Variants in MICA observed in about 807,000 individuals in gnomAD.
MICA encodes HLA class I antigen.
A neutral mutation model predicts 34.3 loss-of-function variants in MICA; 18 were observed. That is an observed-to-expected ratio of 0.52 (90% CI 0.36 to 0.78). The LOEUF is 0.78. Among genes scored for constraint, MICA ranks in the 30% least tolerant of loss-of-function variants. The pLI is 0.00. For synonymous variants in MICA, 135 were observed against 156.9 expected, an observed-to-expected ratio of 0.86 and a Z score of 1.04; for missense variants, 333 against 409.4, an observed-to-expected ratio of 0.81 and a Z score of 1.61.
At position 31,412,109 on chromosome 6, in the gene MICA, A is replaced by T; in HGVS notation, c.776A>T (p.Asp259Val). 6.2e-7 allele frequency: 1 copy of T among 1,613,080 alleles called. No homozygotes were observed. The highest frequency in any genetic ancestry group is 8.5e-7 in the Non-Finnish European group (1 of 1,179,932). Residue 259 changes from aspartate (D) to valine (V), a missense_variant, in exon 4 of 6, where the codon GAT (aspartate) becomes GTT (valine). By Grantham distance (152) the Asp-to-Val change is radical. Transcript: ENST00000449934. ...CAGCAGTGGGGGGATGTCCTGCCTG[A>T]TGGGAATGGAACCTACCAGACCTGG... ...DTQQWGDVLPDGNGTYQTWVA... is the reference protein window; with the variant it reads ...DTQQWGDVLPVGNGTYQTWVA...
rs186526008 is a variant in MICA, at chr6:31,410,935, G to A, written c.326-137G>A. 7.4e-4 allele frequency: 1,083 copies of A among 1,468,000 alleles called. 13 individuals carry two copies. Among genetic ancestry groups the A allele is most frequent in the Admixed American group, 4.9e-3 (196 of 39,902 alleles). The allele number at this position is 1,468,000 out of a possible 1,614,324, so 90.9% of individuals were successfully genotyped here. The stretch of plus-strand genomic sequence containing the variant: ...AATGGGGGTCAGTGGAACTCAGCAG[G>A]GAGGTGAGCCGGCACTCAGCCCACA... On this transcript the variant is annotated intron_variant, in intron 2 of 5. Coordinates refer to ENST00000449934, the MANE Select transcript of MICA (RefSeq NM_001177519.3).
intron 1 of MICA, among the ~76,000 whole-genome samples, chr6:31,408,573 C>G (rs80096353): frequency 0.038 from 5,776 of 151,918 alleles, 305 homozygotes; most frequent in African/African-American, 0.11. Context: ...CGGTAACTCC[C>G]CATTCCTCCC....
chr6:31,412,157 G>A lies in MICA; in HGVS notation c.824G>A (p.Gly275Glu). 1 of 1,612,610 alleles carries A rather than the reference G, an allele frequency of 6.2e-7. No homozygotes were observed. The highest frequency in any genetic ancestry group is 8.5e-7 in the Non-Finnish European group (1 of 1,179,816). Reference sequence around the variant, plus strand: ...TGGGTGGCCACCAGGATTTGCCGAGGAGAGGAGCAGAGGTTCACCTGCTAC... The same window carrying A: ...TGGGTGGCCACCAGGATTTGCCGAGAAGAGGAGCAGAGGTTCACCTGCTAC... ...QTWVATRICR[G>E]EEQRFTCYME... Residue 275 changes from glycine to glutamate, a missense_variant, in exon 4 of 6, where the codon GGA (glycine) becomes GAA (glutamate). Physicochemically the swap from Gly to Glu is moderately conservative, Grantham distance 98. Transcript: ENST00000449934.
At chr6:31,409,957 A>G (rs2848715) in intron 1 of MICA, among the ~76,000 whole-genome samples, 20,208 of 122,812 alleles carry the variant, frequency 0.16, 1,678 homozygotes, top group South Asian at 0.31. Flanking sequence ...TTCCACTTTG[A>G]ACCCAAGCCC....
In MICA at chr6:31,411,082, C is replaced by T; in HGVS notation, c.336C>T (p.Ser112=). The T allele has an allele frequency of 6.3e-7, 1 of 1,595,230 alleles. No homozygotes were observed. The highest frequency in any genetic ancestry group is 8.5e-7 in the Non-Finnish European group (1 of 1,171,742). Residue 112 remains serine, a synonymous_variant, in exon 3 of 6, where the codon TCC becomes TCT. Coordinates refer to ENST00000449934, the MANE Select transcript of MICA (RefSeq NM_001177519.3). This position sits in a 1 kb window ranked among gnomAD's most constrained non-coding sequence, Gnocchi z 4.3. ...HIKDQKEGLH[S]LQEIRVCEIH... The stretch of plus-strand genomic sequence containing the variant: ...GCTGGGTGGGGGCAGGCTTGCATTC[C>T]CTCCAGGAGATTAGGGTCTGTGAGA...
intron 5 of MICA, among the ~76,000 whole-genome samples, chr6:31,413,251 C>G (rs1330980818): frequency 1.3e-5 from 2 of 151,908 alleles, no homozygotes; most frequent in South Asian, 2.1e-4. Context: ...TGGGGCCCAG[C>G]CCCTCATCAG....
intron 1 of MICA, among the ~76,000 whole-genome samples, chr6:31,407,968 G>T (rs1770835844): frequency 6.6e-6 from 1 of 151,826 alleles, no homozygotes; most frequent in Non-Finnish European, 1.5e-5. Flanking sequence ...CATTCAGTAT[G>T]TTACTAGCTG....
chr6:31,409,006 C>CAA (rs9281426), intron 1 of MICA, among the ~76,000 whole-genome samples: 20 of 144,910 alleles, frequency 1.4e-4, no homozygotes, highest in South Asian at 2.2e-4. Flanking sequence ...ATTCCATCTC[C>CAA]AAAAAAAAAA....
chr6:31,412,712 G>A (rs935026852), intron 5 of MICA, among the ~76,000 whole-genome samples: 2 of 151,900 alleles, frequency 1.3e-5, no homozygotes, highest in Non-Finnish European at 2.9e-5. Flanking sequence ...GGAGGGCTGC[G>A]GCGCCTGCTC....
chr6:31,408,265 T>A (rs1770853030), intron 1 of MICA, among the ~76,000 whole-genome samples: 1 of 151,946 alleles, frequency 6.6e-6, no homozygotes, highest in Non-Finnish European at 1.5e-5. Flanking sequence ...CCTTGACGAT[T>A]TTTGCATCGG....
chr6:31,403,577 G>C, upstream of MICA: 2 of 1,401,164 alleles, frequency 1.4e-6, no homozygotes. The surrounding 1 kb of genome is among the most constrained non-coding windows in gnomAD (Gnocchi z 4.7). Context: ...AAGTTTCCGC[G>C]GCGCCTTCTC....
At chr6:31,408,604 C>A (rs1332837431) in intron 1 of MICA, among the ~76,000 whole-genome samples, 1 of 151,862 alleles carries the variant, frequency 6.6e-6, no homozygotes, top group Admixed American at 6.6e-5. Context: ...CCCTGGTAAC[C>A]ACCATTCTAC....
At position 31,410,695 on chromosome 6, in the gene MICA, G is replaced by T. The variant is rs752648026; in HGVS notation, c.223G>T (p.Asp75Tyr). ...AAAGCCCCAGGGACAGTGGGCAGAAGATGTCCTGGGAAATAAGACATGGGA... is the reference window on the plus strand; with the variant it reads ...AAAGCCCCAGGGACAGTGGGCAGAATATGTCCTGGGAAATAAGACATGGGA... ...RAKPQGQWAE[D>Y]VLGNKTWDRE... is the part of the protein sequence containing the mutation. Residue 75 changes from aspartate to tyrosine, a missense_variant, in exon 2 of 6, where the codon GAT (aspartate) becomes TAT (tyrosine). By Grantham distance (160) the Asp-to-Tyr change is radical. Transcript: ENST00000449934. 16 of 1,612,962 alleles carry T rather than the reference G, an allele frequency of 9.9e-6. No individual in the cohort carries two copies. The African/African-American group carries it at 1.6e-4, about 16-fold the overall frequency.
chr6:31,407,615 T>G (rs1770819871), intron 1 of MICA, among the ~76,000 whole-genome samples: 1 of 152,018 alleles, frequency 6.6e-6, no homozygotes, highest in Non-Finnish European at 1.5e-5. Context: ...TTATTTTATT[T>G]GTAGCTATTG....
intron 1 of MICA, 32 bp from the exon 2 acceptor site, chr6:31,410,511 A>G (rs1188141006): frequency 1.2e-6 from 2 of 1,602,254 alleles, no homozygotes; most frequent in Non-Finnish European, 1.7e-6. Flanking sequence ...ACTTCCAGGA[A>G]GAAGTTTCAC....
At chr6:31,405,195 TGTTCCTTGACCTTCCTTCTTTTCTTTTG>T (rs1410355684) in intron 1 of MICA, among the ~76,000 whole-genome samples, 1 of 151,186 alleles carries the variant, frequency 6.6e-6, no homozygotes, top group Non-Finnish European at 1.5e-5. Context: ...TTGGGCCAAC[TGTTCCTTGACCTTCCTTCTTTTCTTTTG>T]GTTCCTTGAC....
At chr6:31,401,189 A>G (rs141136493), upstream of MICA, among the ~76,000 whole-genome samples, 1 of 151,506 alleles carries the variant, frequency 6.6e-6, no homozygotes, top group Admixed American at 6.6e-5. Context: ...TCTCCCTCCC[A>G]GTCTCTCACT....
At chr6:31,410,970 A>C in intron 2 of MICA, 102 bp from the exon 3 acceptor site, 1 of 1,474,874 alleles carries the variant, frequency 6.8e-7, no homozygotes, top group African/African-American at 1.4e-5. Flanking sequence ...ACAGGGAGGC[A>C]TGGAGGAGGG....
At chr6:31,414,038 C>T (rs970168079) in intron 5 of MICA, among the ~76,000 whole-genome samples, 7 of 152,014 alleles carry the variant, frequency 4.6e-5, no homozygotes, top group Non-Finnish European at 7.3e-5. Context: ...TTCAGCTCTG[C>T]AATCTTAATA....
Sources: allele counts gnomAD v4.1 joint callset (sites outside exome capture counted in the v4.1 genomes callset), GRCh38; gene constraint gnomAD v4.1.1; non-coding constraint Gnocchi (gnomAD v3.1); transcripts MANE v1.5; gene names NCBI Gene and HGNC (gene_info 2026-07-23, HGNC 2026-07-21).